Variants in TMEM51 observed in about 807,000 individuals in gnomAD.
TMEM51 encodes transmembrane protein 51, also known as chromosome 1 open reading frame 72.
In TMEM51, 8 loss-of-function variants were observed where a neutral mutation model predicts 13.6. That is an observed-to-expected ratio of 0.59 (90% CI 0.35 to 1.07). The LOEUF (loss-of-function observed/expected upper bound fraction) is 1.07. TMEM51 is among the 50% of genes least tolerant of loss of function. The probability of loss-of-function intolerance (pLI) is 0.02; values close to 1 mark genes in which losing one functional copy is unlikely to be tolerated. For synonymous variants in TMEM51, 147 were observed against 144.4 expected, an observed-to-expected ratio of 1.02 and a Z score of -0.13; for missense variants, 279 against 330.7, an observed-to-expected ratio of 0.84 and a Z score of 1.21.
At chr1:15,206,268 A>AGGAGG (rs1289912304) in intron 1 of TMEM51, among the ~76,000 whole-genome samples, 3 of 143,520 alleles carry the variant, frequency 2.1e-5, no homozygotes, top group Non-Finnish European at 3.0e-5. Context: ...GAAAGGGAAG[A>AGGAGG]GGAGGGGAGG....
intron 1 of TMEM51, among the ~76,000 whole-genome samples, chr1:15,175,644 G>C (rs1370052785): frequency 6.6e-6 from 1 of 152,210 alleles, no homozygotes; most frequent in Admixed American, 6.5e-5. Context: ...AGGCCTCACT[G>C]TCATGGCAGA....
intron 3 of TMEM51, 91 bp downstream of exon 3, chr1:15,215,522 C>A: frequency 8.3e-7 from 1 of 1,200,300 alleles, no homozygotes. Flanking sequence ...GGTGAAAAGA[C>A]TGTCATCTAC....
chr1:15,185,035 C>T (rs1204763748), intron 1 of TMEM51, among the ~76,000 whole-genome samples: 2 of 151,898 alleles, frequency 1.3e-5, no homozygotes, highest in South Asian at 2.1e-4. Flanking sequence ...TCCTGCCTGC[C>T]CCACCCCCAT....
At chr1:15,175,674 T>C (rs1382220315) in intron 1 of TMEM51, among the ~76,000 whole-genome samples, 1 of 152,182 alleles carries the variant, frequency 6.6e-6, no homozygotes, top group East Asian at 1.9e-4. Context: ...AGGAGCAAAG[T>C]CATGTCTTAC....
intron 3 of TMEM51, among the ~76,000 whole-genome samples, chr1:15,216,173 C>G (rs536908598): frequency 5.3e-4 from 80 of 152,308 alleles, no homozygotes; most frequent in Middle Eastern, 3.4e-3. Context: ...ATTTGCTTGT[C>G]CCTTCACCCC....
Position 15,219,494 on chromosome 1 carries a change from C to T in TMEM51, c.513C>T (p.Thr171=). Residue 171 remains threonine (T), a synonymous_variant, in exon 4 of 4, where the codon ACC becomes ACT. Transcript: ENST00000376008. ...CACTGACGGGGCTCGACGAGACCAC[C>T]CCCACATCCACCAGGGCTGACGTGG... The part of the protein sequence containing the change: ...YESLTGLDET[T]PTSTRADVEA... The T allele has an allele frequency of 6.2e-7, 1 of 1,614,100 alleles. No individual in the cohort carries two copies. Among genetic ancestry groups the T allele is most frequent in the Non-Finnish European group, 8.5e-7 (1 of 1,180,024 alleles).
intron 1 of TMEM51, among the ~76,000 whole-genome samples, chr1:15,183,766 T>G (rs2100242628): frequency 6.6e-6 from 1 of 152,360 alleles, no homozygotes; most frequent in East Asian, 1.9e-4. Flanking sequence ...CATGTTGTGG[T>G]CATAGCTATG....
intron 1 of TMEM51, among the ~76,000 whole-genome samples, chr1:15,166,918 C>G (rs538412099): frequency 4.6e-5 from 7 of 152,244 alleles, no homozygotes; most frequent in African/African-American, 1.2e-4. Context: ...GTCTCCACCC[C>G]CCAGCAGCCA....
At position 15,161,744 on chromosome 1, in the gene TMEM51, C is replaced by T. The variant is rs1573371005; in HGVS notation, c.-267+7790C>T. 6.6e-6 allele frequency among the ~76,000 whole-genome samples: 1 copy of T among 151,850 alleles called. No individual in the cohort carries two copies. The highest frequency in any genetic ancestry group is 1.9e-4 in the East Asian group (1 of 5,156). ...ACGAGATCGAGACCATCCTGGCCAACATGGTGAAACCCAGTCTTTACTAAA... is the reference window on the plus strand; with the variant it reads ...ACGAGATCGAGACCATCCTGGCCAATATGGTGAAACCCAGTCTTTACTAAA... On this transcript the variant is annotated intron_variant, in intron 1 of 3. Coordinates refer to ENST00000376008, the MANE Select transcript of TMEM51 (RefSeq NM_001136218.2). The surrounding 1 kb of genome is among the most constrained non-coding windows in gnomAD (Gnocchi z 4.0).
chr1:15,163,349 A>G (rs1642858982), intron 1 of TMEM51, among the ~76,000 whole-genome samples: 1 of 151,986 alleles, frequency 6.6e-6, no homozygotes, highest in South Asian at 2.1e-4. Flanking sequence ...TCAACACTAT[A>G]AAGCCCGGAC....
intron 1 of TMEM51, among the ~76,000 whole-genome samples, chr1:15,189,213 C>CTTTTTTTTTTTTTTTGTTTTTTT (rs1643873897): frequency 1.1e-5 from 1 of 92,830 alleles, no homozygotes; most frequent in Non-Finnish European, 2.1e-5. Flanking sequence ...CTAATTTTTC[C>CTTTTTTTTTTTTTTTGTTTTTTT]TTTTTTTTTT....
In TMEM51 at chr1:15,219,671, A is replaced by G. The variant is rs1644485753; in HGVS notation, c.690A>G (p.Ile230Met). Residue 230 changes from isoleucine (I) to methionine (M), a missense_variant, in exon 4 of 4, where the codon ATA (isoleucine) becomes ATG (methionine). Ile to Met is a conservative substitution (Grantham distance 10). Coordinates refer to ENST00000376008, the MANE Select transcript of TMEM51 (RefSeq NM_001136218.2). ...LPDKNVPPPS[I>M]EPLTPPPQYD... ...ACAAAAACGTCCCTCCTCCCTCGATAGAGCCTTTGACTCCTCCACCGCAGT... is the reference window on the plus strand; with the variant it reads ...ACAAAAACGTCCCTCCTCCCTCGATGGAGCCTTTGACTCCTCCACCGCAGT... The G allele has an allele frequency of 6.2e-7, 1 of 1,613,776 alleles. No individual in the cohort carries two copies. Among genetic ancestry groups the G allele is most frequent in the South Asian group, 1.1e-5 (1 of 91,080 alleles).
intron 1 of TMEM51, among the ~76,000 whole-genome samples, chr1:15,171,506 G>C (rs970383388): frequency 2.0e-5 from 3 of 152,126 alleles, no homozygotes; most frequent in Admixed American, 6.5e-5. Context: ...CCGCGGGGGG[G>C]CCTGGGCTGC....
At chr1:15,202,505 T>C (rs2100317378) in intron 1 of TMEM51, among the ~76,000 whole-genome samples, 1 of 152,304 alleles carries the variant, frequency 6.6e-6, no homozygotes, top group African/African-American at 2.4e-5. Context: ...CAGGGCTGGT[T>C]CCTCCAGAGG....
At chr1:15,183,298 G>C (rs980586694) in intron 1 of TMEM51, among the ~76,000 whole-genome samples, 1 of 152,150 alleles carries the variant, frequency 6.6e-6, no homozygotes. Flanking sequence ...TTATGCATCC[G>C]TCATGTGCGT....
intron 1 of TMEM51, among the ~76,000 whole-genome samples, chr1:15,193,574 T>C (rs1643980630): frequency 1.4e-5 from 1 of 71,242 alleles, no homozygotes; most frequent in African/African-American, 5.1e-5. Context: ...TTTCTTTCTT[T>C]CTTTTTTTTT....
At chr1:15,160,097 T>C (rs1446073866) in intron 1 of TMEM51, among the ~76,000 whole-genome samples, 1 of 152,174 alleles carries the variant, frequency 6.6e-6, no homozygotes, top group African/African-American at 2.4e-5. Context: ...GGCAATTTTA[T>C]GTCTTTTCCA....
Position 15,219,340 on chromosome 1 carries a change from A to G in TMEM51, c.359A>G (p.Glu120Gly). Reference protein sequence around the residue: ...AQEEDSQEEEEEDEEAASRYY... With the variant: ...AQEEDSQEEEGEDEEAASRYY... Reference sequence around the variant, plus strand: ...TCTTCTTGCAGCCAGGAGGAAGAAGAGGAGGATGAGGAGGCTGCCTCAAGG... The same window carrying G: ...TCTTCTTGCAGCCAGGAGGAAGAAGGGGAGGATGAGGAGGCTGCCTCAAGG... The change falls in exon 4 of 4, where the codon GAG (glutamate) becomes GGG (glycine). Residue 120 changes from glutamate to glycine, a missense_variant. Glu to Gly is a moderately conservative substitution (Grantham distance 98). Transcript: ENST00000376008. The G allele has an allele frequency of 6.3e-7, 1 of 1,582,772 alleles. No individual in the cohort carries two copies. The highest frequency in any genetic ancestry group is 2.3e-5 in the East Asian group (1 of 44,404).
intron 1 of TMEM51, among the ~76,000 whole-genome samples, chr1:15,175,378 C>A (rs953868386): frequency 6.6e-6 from 1 of 152,054 alleles, no homozygotes; most frequent in Admixed American, 6.6e-5. Flanking sequence ...CCAGTCTGGG[C>A]AATAAGAGCG....
Sources: gnomAD v4.1 joint callset for allele counts (sites outside exome capture counted in the v4.1 genomes callset) on GRCh38, gnomAD v4.1.1 for gene constraint, Gnocchi (gnomAD v3.1) non-coding constraint, MANE v1.5 for transcripts, NCBI Gene and HGNC (gene_info 2026-07-23, HGNC 2026-07-21) for gene names.